The following NCS1 variants were observed in gnomAD, a reference collection of about 807,000 sequenced individuals.
NCS1 encodes the protein frequenin homolog.
A neutral mutation model predicts 28.4 loss-of-function variants in NCS1; 6 were observed. That is an observed-to-expected ratio of 0.21 (90% CI 0.12 to 0.42). NCS1 has a LOEUF of 0.42. Among genes scored for constraint, NCS1 ranks in the 10% least tolerant of loss-of-function variants. The probability of loss-of-function intolerance (pLI) is 1.00; values close to 1 mark genes in which losing one functional copy is unlikely to be tolerated. For missense variants in NCS1, 131 were observed against 241.4 expected, an observed-to-expected ratio of 0.54 and a Z score of 3.03; for synonymous variants, 86 against 99.3, an observed-to-expected ratio of 0.87 and a Z score of 0.79.
At chr9:130,224,814 AACTT>A (rs1334564245) in intron 6 of NCS1, among the ~76,000 whole-genome samples, 1 of 152,220 alleles carries the variant, frequency 6.6e-6, no homozygotes, top group Non-Finnish European at 1.5e-5. Context: ...CTTTAAATCA[AACTT>A]ACTTAAAACT....
At chr9:130,183,307 G>A (rs533404918) in intron 1 of NCS1, among the ~76,000 whole-genome samples, 81 of 116,882 alleles carry the variant, frequency 6.9e-4, no homozygotes, top group Non-Finnish European at 3.6e-4. Flanking sequence ...CCATGCGGCT[G>A]GGGGGGGGAG....
chr9:130,212,492 CTGATCTAGTA>C (rs1259845153), intron 2 of NCS1, among the ~76,000 whole-genome samples: 1 of 149,024 alleles, frequency 6.7e-6, no homozygotes, highest in Admixed American at 6.8e-5. Context: ...TGGGGAAACC[CTGATCTAGTA>C]TGAGCCACTT....
At chr9:130,202,262 CTTGAACTCACCT>C (rs1325651748) in intron 2 of NCS1, among the ~76,000 whole-genome samples, 1 of 152,166 alleles carries the variant, frequency 6.6e-6, no homozygotes, top group East Asian at 1.9e-4. Context: ...CTGTTTGTTC[CTTGAACTCACCT>C]TTGTCTCCGG....
At position 130,172,576 on chromosome 9, in the gene NCS1, C is replaced by CCCCGG. The variant is rs1832495525; in HGVS notation, c.-78_-74dup. On this transcript the variant is annotated 5_prime_UTR_variant, in exon 1 of 8. Transcript: ENST00000372398. ...GCGGGCGCCGCAGACAAAGGCGCGG[C>CCCCGG]CCCGGCCCGGCCCGCCCGGCCCAGC... The CCCCGG allele has an allele frequency of 3.1e-6, 2 of 640,122 alleles. No individual in the cohort carries two copies. The highest frequency in any genetic ancestry group is 2.0e-6 in the Non-Finnish European group (1 of 498,554). The allele number at this position is 640,122 out of a possible 1,614,324, so 39.7% of individuals were successfully genotyped here.
intron 1 of NCS1, among the ~76,000 whole-genome samples, chr9:130,184,080 G>C (rs1332482906): frequency 1.3e-5 from 2 of 152,098 alleles, no homozygotes; most frequent in African/African-American, 4.8e-5. Context: ...AAAGTGCTGG[G>C]ATTACAGGTG....
chr9:130,221,413 TAGAGAG>T (rs782666520), intron 4 of NCS1, among the ~76,000 whole-genome samples: 50 of 57,698 alleles, frequency 8.7e-4, no homozygotes, highest in African/African-American at 2.1e-3. Context: ...TATATATATA[TAGAGAG>T]AGAGAGAGAG....
chr9:130,207,212 T>TG (rs1456449025), intron 2 of NCS1, among the ~76,000 whole-genome samples: 1 of 152,236 alleles, frequency 6.6e-6, no homozygotes, highest in African/African-American at 2.4e-5. Flanking sequence ...CTGCTGTTCT[T>TG]GGCCCCATAC....
chr9:130,176,599 T>A (rs1832574871), intron 1 of NCS1, among the ~76,000 whole-genome samples: 1 of 152,256 alleles, frequency 6.6e-6, no homozygotes, highest in Non-Finnish European at 1.5e-5. Context: ...TCTTGCTGAC[T>A]CTGGTCTTTG....
chr9:130,232,808 A>C lies in NCS1; in HGVS notation c.*18-182A>C, dbSNP rs77430428. ...CTCAAAAAAAAGCAAACAAAAAAAAACCAAAAAACCCAAAGGGTGCCTCAG... is the reference window on the plus strand; with the variant it reads ...CTCAAAAAAAAGCAAACAAAAAAAACCCAAAAAACCCAAAGGGTGCCTCAG... On this transcript the variant is annotated intron_variant, in intron 7 of 7. Transcript: ENST00000372398. The surrounding 1 kb of genome is among the most constrained non-coding windows in gnomAD (Gnocchi z 4.4). Among the ~76,000 whole-genome samples, 11,429 of 151,984 alleles carry C rather than the reference A, an allele frequency of 0.075. 583 individuals carry two copies. Among genetic ancestry groups the C allele is most frequent in the Middle Eastern group, 0.19 (55 of 294 alleles).
At chr9:130,193,281 G>C (rs1389606226) in intron 1 of NCS1, among the ~76,000 whole-genome samples, 1 of 152,122 alleles carries the variant, frequency 6.6e-6, no homozygotes. Flanking sequence ...GGCTGGAGAC[G>C]CACTGAGGCT....
rs115356167 is a variant in NCS1 at position 130,212,118 on chromosome 9, C to T, written c.90-5714C>T. On this transcript the variant is annotated intron_variant, in intron 2 of 7. Transcript: ENST00000372398. The stretch of plus-strand genomic sequence containing the variant: ...TCAGTTTCTCCATTGGCAAAGTGGG[C>T]GGGATTGGCCTCACCTTCTGGATGT... 1.0e-2 allele frequency among the ~76,000 whole-genome samples: 1,518 copies of T among 152,234 alleles called. 13 individuals carry two copies. The highest frequency in any genetic ancestry group is 0.04 in the South Asian group (193 of 4,818).
At chr9:130,179,068 G>A (rs1232062429) in intron 1 of NCS1, among the ~76,000 whole-genome samples, 1 of 151,130 alleles carries the variant, frequency 6.6e-6, no homozygotes, top group Non-Finnish European at 1.5e-5. Flanking sequence ...CCGAGTAGGG[G>A]ATTACAGGCA....
intron 1 of NCS1, among the ~76,000 whole-genome samples, chr9:130,195,569 ACG>A (rs1347280109): frequency 1.3e-5 from 2 of 152,000 alleles, no homozygotes; most frequent in African/African-American, 4.8e-5. Flanking sequence ...GATTATAGGC[ACG>A]CGCCACCACA....
In NCS1 at chr9:130,191,678, G is replaced by A. The variant is rs1588112442; in HGVS notation, c.65-9280G>A. ...AGACGCTAATGAAATGAGGGTTCAG[G>A]CTGGTGCCGGGCAGACCGCAGTCAG... On this transcript the variant is annotated intron_variant, in intron 1 of 7. Transcript: ENST00000372398. This position sits in a 1 kb window ranked among gnomAD's most constrained non-coding sequence, Gnocchi z 6.4. Among the ~76,000 whole-genome samples, 1 of 152,254 alleles carries A rather than the reference G, an allele frequency of 6.6e-6. No homozygotes were observed. The highest frequency in any genetic ancestry group is 2.1e-4 in the South Asian group (1 of 4,836).
chr9:130,208,150 C>T (rs1409350254), intron 2 of NCS1, among the ~76,000 whole-genome samples: 1 of 132,566 alleles, frequency 7.5e-6, no homozygotes, highest in Non-Finnish European at 1.5e-5. Context: ...GGCACCAGTC[C>T]ATGATGGAAA....
Position 130,176,839 on chromosome 9 carries a change from G to C in NCS1, c.64+4112G>C, listed in dbSNP as rs149210538. ...CCGGGTTATCCGAAAACTCCAGCAT[G>C]GGGGTGCAAGCCATTTGTGGTGGTC... On this transcript the variant is annotated intron_variant, in intron 1 of 7. Coordinates refer to ENST00000372398, the MANE Select transcript of NCS1 (RefSeq NM_014286.4). Among the ~76,000 whole-genome samples, 364 of 152,370 alleles carry C rather than the reference G, an allele frequency of 2.4e-3. 4 individuals carry two copies. Among genetic ancestry groups the C allele is most frequent in the African/African-American group, 8.2e-3 (340 of 41,598 alleles).
chr9:130,186,798 G>GAAATTGCACGGGGACATGAAATTGCA lies in NCS1; in HGVS notation c.64+14071_64+14072insAAATTGCACGGGGACATGAAATTGCA, dbSNP rs1832744328. Among the ~76,000 whole-genome samples, 1 of 152,236 alleles carries GAAATTGCACGGGGACATGAAATTGCA rather than the reference G, an allele frequency of 6.6e-6. No individual in the cohort carries two copies. Among genetic ancestry groups the GAAATTGCACGGGGACATGAAATTGCA allele is most frequent in the Non-Finnish European group, 1.5e-5 (1 of 68,038 alleles). On this transcript the variant is annotated intron_variant, in intron 1 of 7. Transcript: ENST00000372398. This position sits in a 1 kb window ranked among gnomAD's most constrained non-coding sequence, Gnocchi z 4.1. ...GGGGACATGAAATTGCACGGTGACTGCAGCATAGAGGGCCTGTGGCCGTGA... is the reference window on the plus strand; with the variant it reads ...GGGGACATGAAATTGCACGGTGACTGAAATTGCACGGGGACATGAAATTGCACAGCATAGAGGGCCTGTGGCCGTGA...
In NCS1 at chr9:130,226,370, C is replaced by T. The variant is rs782539497; in HGVS notation, c.475-19C>T. ...TCCTGGGAGGCCCTGCACCCTCAGC[C>T]GCCTCTCTCTGCTCACAGAATGCCG... On this transcript the variant is annotated intron_variant, in intron 6 of 7. Transcript: ENST00000372398. This position sits in a 1 kb window ranked among gnomAD's most constrained non-coding sequence, Gnocchi z 4.8. 19 of 1,606,928 alleles carry T rather than the reference C, an allele frequency of 1.2e-5. No individual in the cohort carries two copies. Among genetic ancestry groups the T allele is most frequent in the Middle Eastern group, 1.7e-4 (1 of 6,054 alleles).
At chr9:130,189,873 AAAAAAAATATATATATATAT>A (rs1433591711) in intron 1 of NCS1, among the ~76,000 whole-genome samples, 31 of 96,748 alleles carry the variant, frequency 3.2e-4, no homozygotes, top group African/African-American at 1.9e-3. Context: ...AAAAAAAAAA[AAAAAAAATATATATATATAT>A]ATATATATAT....
Sources: gnomAD v4.1 joint callset for allele counts (sites outside exome capture counted in the v4.1 genomes callset) on GRCh38, gnomAD v4.1.1 for gene constraint, Gnocchi (gnomAD v3.1) non-coding constraint, MANE v1.5 for transcripts, NCBI Gene and HGNC (gene_info 2026-07-23, HGNC 2026-07-21) for gene names.